The following PDCD6IP variants were observed in gnomAD, a reference collection of about 807,000 sequenced individuals.
PDCD6IP encodes the protein programmed cell death 6 interacting protein.
In PDCD6IP, 43 loss-of-function variants were observed where a neutral mutation model predicts 103.7. The ratio of observed to expected loss-of-function variants is 0.41; its 90% CI spans 0.32 to 0.53. The LOEUF is 0.53. Among genes scored for constraint, PDCD6IP ranks in the 20% least tolerant of loss-of-function variants. PDCD6IP has a pLI of 0.16. For missense variants in PDCD6IP, 871 were observed against 1,036.7 expected, an observed-to-expected ratio of 0.84 and a Z score of 2.20; for synonymous variants, 354 against 378.7, an observed-to-expected ratio of 0.93 and a Z score of 0.76.
At chr3:33,831,258 T>C (rs905078011) in intron 7 of PDCD6IP, among the ~76,000 whole-genome samples, 1 of 151,194 alleles carries the variant, frequency 6.6e-6, no homozygotes, top group Non-Finnish European at 1.5e-5. Flanking sequence ...CACACAGATA[T>C]AAAAACATGA....
intron 12 of PDCD6IP, among the ~76,000 whole-genome samples, chr3:33,849,911 C>T (rs1009572542): frequency 2.0e-5 from 3 of 151,892 alleles, no homozygotes; most frequent in Non-Finnish European, 2.9e-5. Flanking sequence ...TTCATAAATT[C>T]GTTGTTTGAA....
intron 17 of PDCD6IP, among the ~76,000 whole-genome samples, chr3:33,865,839 T>A (rs1162699794): frequency 1.3e-5 from 2 of 152,302 alleles, no homozygotes; most frequent in East Asian, 3.9e-4. Flanking sequence ...TAATTATGGG[T>A]TGCACTTTCT....
At chr3:33,820,325 C>T (rs1036337975) in intron 3 of PDCD6IP, among the ~76,000 whole-genome samples, 4 of 152,010 alleles carry the variant, frequency 2.6e-5, no homozygotes, top group African/African-American at 9.7e-5. Context: ...TCCCTCCCCC[C>T]TCAACCCTTG....
intron 7 of PDCD6IP, among the ~76,000 whole-genome samples, chr3:33,830,413 A>G (rs567890695): frequency 1.1e-4 from 17 of 152,320 alleles, no homozygotes; most frequent in African/African-American, 4.1e-4. Flanking sequence ...TTTAGTCTCT[A>G]TAAATCAGTC....
chr3:33,817,021 A>G (rs1490561447), intron 3 of PDCD6IP, among the ~76,000 whole-genome samples: 1 of 152,198 alleles, frequency 6.6e-6, no homozygotes, highest in Non-Finnish European at 1.5e-5. Context: ...TGTCTTGGTT[A>G]AATAAAAGGC....
intron 10 of PDCD6IP, among the ~76,000 whole-genome samples, chr3:33,842,594 G>A (rs922140078): frequency 2.6e-5 from 4 of 151,762 alleles, no homozygotes; most frequent in Non-Finnish European, 5.9e-5. Flanking sequence ...ATGGTGGCTT[G>A]TTTTCTCTTG....
At chr3:33,824,543 G>A (rs1697068935) in intron 4 of PDCD6IP, among the ~76,000 whole-genome samples, 1 of 151,946 alleles carries the variant, frequency 6.6e-6, no homozygotes, top group African/African-American at 2.4e-5. Context: ...ACAGGCGTGA[G>A]CCACCGCACC....
At position 33,868,266 on chromosome 3, in the gene PDCD6IP, G is replaced by A. The variant is rs1323395929; in HGVS notation, c.*1741G>A. 3 of 152,144 alleles carry A rather than the reference G, an allele frequency of 2.0e-5. No individual in the cohort carries two copies. Among genetic ancestry groups the A allele is most frequent in the African/African-American group, 4.8e-5 (2 of 41,438 alleles). The allele number at this position is 152,144 out of a possible 1,614,324, so 9.4% of individuals were successfully genotyped here. A position where few individuals can be genotyped will look rare whatever the true frequency, so the allele number is the denominator to read the frequency against. On this transcript the variant is annotated 3_prime_UTR_variant, in exon 18 of 18. Transcript: ENST00000307296. ...ACAGTGAGAGTTAGAGGTATTACAA[G>A]TTGCTAGTTTATAATGTCTTACTAA... is the stretch of plus-strand genomic sequence containing the variant.
rs567334091 is a variant in PDCD6IP, at chr3:33,862,040, A to G, written c.2121-1966A>G. On this transcript the variant is annotated intron_variant, in intron 15 of 17. Coordinates refer to ENST00000307296, the MANE Select transcript of PDCD6IP (RefSeq NM_013374.6). ...TGATTTATATCTTTTATAAGTGGCT[A>G]GGAAATTATCATTTGCTCTATAAAT... Among the ~76,000 whole-genome samples, 3 of 152,252 alleles carry G rather than the reference A, an allele frequency of 2.0e-5. No homozygotes were observed. The South Asian group carries it at 6.2e-4, about 32-fold the overall frequency.
At chr3:33,864,719 C>T (rs1026123469) in intron 16 of PDCD6IP, among the ~76,000 whole-genome samples, 3 of 152,074 alleles carry the variant, frequency 2.0e-5, no homozygotes, top group African/African-American at 4.8e-5. Flanking sequence ...CTTATGAGAA[C>T]TTGAGTGCTG....
At chr3:33,851,890 T>A (rs1487505105) in intron 12 of PDCD6IP, among the ~76,000 whole-genome samples, 1 of 152,222 alleles carries the variant, frequency 6.6e-6, no homozygotes, top group Admixed American at 6.5e-5. Flanking sequence ...CTACCATGCT[T>A]GCTTCATAGC....
chr3:33,840,614 A>G (rs1013491400), intron 9 of PDCD6IP, among the ~76,000 whole-genome samples: 1 of 152,236 alleles, frequency 6.6e-6, no homozygotes. Context: ...AGTTCATTGT[A>G]TTACATCATT....
At chr3:33,860,145 A>G (rs937705284) in intron 15 of PDCD6IP, among the ~76,000 whole-genome samples, 5 of 152,226 alleles carry the variant, frequency 3.3e-5, no homozygotes, top group African/African-American at 9.6e-5. Context: ...GGATATTCTA[A>G]GGAAGAAAGA....
At chr3:33,864,711 T>G (rs550215329) in intron 16 of PDCD6IP, among the ~76,000 whole-genome samples, 1 of 152,200 alleles carries the variant, frequency 6.6e-6, no homozygotes, top group Non-Finnish European at 1.5e-5. Context: ...AGAATATCCT[T>G]ATGAGAACTT....
chr3:33,825,812 A>T (rs1019577450), intron 5 of PDCD6IP, among the ~76,000 whole-genome samples: 1 of 152,206 alleles, frequency 6.6e-6, no homozygotes, highest in Non-Finnish European at 1.5e-5. Context: ...TAAGAGAATT[A>T]TATGATAGTG....
At chr3:33,854,862 T>G (rs1327581624) in intron 14 of PDCD6IP, 1 of 179,780 alleles carries the variant, frequency 5.6e-6, no homozygotes, top group Non-Finnish European at 1.2e-5. Context: ...ATAGGTTTAA[T>G]GTTATTAAAC....
chr3:33,852,471 G>A lies in PDCD6IP; in HGVS notation c.1642-17G>A, dbSNP rs774353853. 3.9e-6 allele frequency: 5 copies of A among 1,270,934 alleles called. No individual in the cohort carries two copies. Among genetic ancestry groups the A allele is most frequent in the Non-Finnish European group, 5.0e-6 (5 of 993,152 alleles). The allele number at this position is 1,270,934 out of a possible 1,614,324, so 78.7% of individuals were successfully genotyped here. ...TTTTTTTTTTTGCAGTTAAACTAAG[G>A]TGTCTTTTTTGTTTAGGTTGTAAAT... On this transcript the variant is annotated splice_polypyrimidine_tract_variant and intron_variant, in intron 12 of 17. Coordinates refer to ENST00000307296, the MANE Select transcript of PDCD6IP (RefSeq NM_013374.6).
At chr3:33,837,325 C>T (rs545024677) in intron 8 of PDCD6IP, among the ~76,000 whole-genome samples, 50 of 152,252 alleles carry the variant, frequency 3.3e-4, no homozygotes, top group African/African-American at 1.1e-3. Flanking sequence ...GCTGAGATTC[C>T]AAGGAGAATA....
In PDCD6IP at chr3:33,835,967, T is replaced by G. The variant is rs371425615; in HGVS notation, c.835-77T>G. ...AAGATTTTTTTTTTGAAACCAATGCTTAAATACTTGGTGGGGAAAGAGAAA... is the reference window on the plus strand; with the variant it reads ...AAGATTTTTTTTTTGAAACCAATGCGTAAATACTTGGTGGGGAAAGAGAAA... On this transcript the variant is annotated intron_variant, in intron 7 of 17. Transcript: ENST00000307296. 1.8e-4 allele frequency: 152 copies of G among 861,326 alleles called. 2 individuals carry two copies. The South Asian group carries it at 2.3e-3, about 13-fold the overall frequency. 53.4% of individuals were successfully genotyped at this position (861,326 alleles called of 1,614,324 possible).
Sources: gnomAD v4.1 joint callset for allele counts (sites outside exome capture counted in the v4.1 genomes callset) on GRCh38, gnomAD v4.1.1 for gene constraint, MANE v1.5 for transcripts, NCBI Gene and HGNC (gene_info 2026-07-23, HGNC 2026-07-21) for gene names.